PCDHGB3: variants seen among roughly 807,000 people sequenced by gnomAD.
PCDHGB3 encodes the protein protocadherin gamma-B3.
Under a neutral mutation model 59.2 loss-of-function variants are expected in PCDHGB3, and 40 were observed. The observed-to-expected ratio is 0.68, with a 90% confidence interval of 0.52 to 0.88. PCDHGB3 has a LOEUF of 0.88. Among genes scored for constraint, PCDHGB3 ranks in the 40% least tolerant of loss-of-function variants. The pLI is 0.00. For missense variants in PCDHGB3, 1,309 were observed against 1,187.9 expected (o/e 1.10, Z -1.50); for synonymous variants, 581 against 503.6 (o/e 1.15, Z -2.06).
intron 1 of PCDHGB3, chr5:141,400,093 C>G (rs1225718379): frequency 1.2e-6 from 2 of 1,614,094 alleles, no homozygotes; most frequent in Non-Finnish European, 1.7e-6. Context: ...CACCGCCACG[C>G]TGCACTTGGT....
intron 1 of PCDHGB3, chr5:141,409,566 C>T: frequency 2.5e-6 from 4 of 1,613,978 alleles, no homozygotes; most frequent in Middle Eastern, 1.6e-4. Context: ...TTCGACCAGA[C>T]GTCCTACGTG....
chr5:141,422,211 CTT>C (rs1339862278), intron 1 of PCDHGB3: 1 of 1,563,166 alleles, frequency 6.4e-7, no homozygotes, highest in African/African-American at 1.4e-5. Context: ...GTGGAGGTCT[CTT>C]TACCACCACG....
At chr5:141,428,600 C>T (rs2097150405) in intron 1 of PCDHGB3, 1 of 223,920 alleles carries the variant, frequency 4.5e-6, no homozygotes, top group African/African-American at 2.3e-5. Flanking sequence ...GCAAGCTTCA[C>T]TGAAGAGAAT....
Position 141,485,574 on chromosome 5 carries a change from C to T in PCDHGB3, c.2416-9233C>T. 1 of 1,612,568 alleles carries T rather than the reference C, an allele frequency of 6.2e-7. No homozygotes were observed. Among genetic ancestry groups the T allele is most frequent in the Non-Finnish European group, 8.5e-7 (1 of 1,178,752 alleles). On this transcript the variant is annotated intron_variant, in intron 1 of 3. Transcript: ENST00000576222. This position sits in a 1 kb window ranked among gnomAD's most constrained non-coding sequence, Gnocchi z 5.7. ...GTGAATGATCACGCCCCCCGTTTTCCGCGGCAGCAGCTGGACTTGGAAATT... is the reference window on the plus strand; with the variant it reads ...GTGAATGATCACGCCCCCCGTTTTCTGCGGCAGCAGCTGGACTTGGAAATT...
chr5:141,428,037 C>G lies in PCDHGB3; in HGVS notation c.2415+55228C>G, dbSNP rs762273592. 3.7e-6 allele frequency: 6 copies of G among 1,608,340 alleles called. No homozygotes were observed. In the African/African-American group the frequency reaches 8.0e-5, roughly 21 times the overall value. ...GCCACGCGCCGCAGAGTCCGGCTACCTGGTGACCAAGGTGGTGGCGGTGGA... is the reference window on the plus strand; with the variant it reads ...GCCACGCGCCGCAGAGTCCGGCTACGTGGTGACCAAGGTGGTGGCGGTGGA... On this transcript the variant is annotated intron_variant, in intron 1 of 3. Coordinates refer to ENST00000576222, the MANE Select transcript of PCDHGB3 (RefSeq NM_018924.5).
chr5:141,442,725 G>A (rs1381140725), intron 1 of PCDHGB3, among the ~76,000 whole-genome samples: 1 of 152,198 alleles, frequency 6.6e-6, no homozygotes, highest in Admixed American at 6.5e-5. Flanking sequence ...AGCATTTGGG[G>A]CCTGTAGGTA....
At chr5:141,390,047 C>T in intron 1 of PCDHGB3, 1 of 1,614,074 alleles carries the variant, frequency 6.2e-7, no homozygotes, top group Non-Finnish European at 8.5e-7. Flanking sequence ...GCCCCGCCTC[C>T]TGGAGCTGCT....
In PCDHGB3 at chr5:141,487,774, C is replaced by T. The variant is rs1272776899; in HGVS notation, c.2416-7033C>T. 2.0e-6 allele frequency: 3 copies of T among 1,534,064 alleles called. 1 individual carries two copies. The highest frequency in any genetic ancestry group is 2.6e-6 in the Non-Finnish European group (3 of 1,135,588). On this transcript the variant is annotated intron_variant, in intron 1 of 3. Transcript: ENST00000576222. The surrounding 1 kb of genome is among the most constrained non-coding windows in gnomAD (Gnocchi z 5.0). Reference sequence around the variant, plus strand: ...ATGTGGTAGACGCTGTGCTTTGTAACTGTTTCGTGAATTAACCAGAGTTGT... The same window carrying T: ...ATGTGGTAGACGCTGTGCTTTGTAATTGTTTCGTGAATTAACCAGAGTTGT...
At chr5:141,443,383 G>A (rs1302172660) in intron 1 of PCDHGB3, among the ~76,000 whole-genome samples, 1 of 152,130 alleles carries the variant, frequency 6.6e-6, no homozygotes, top group Non-Finnish European at 1.5e-5. Flanking sequence ...TACTTGGGAG[G>A]CTGAGGTGTG....
chr5:141,391,293 A>G (rs1043661475), intron 1 of PCDHGB3: 15 of 151,834 alleles, frequency 9.9e-5, no homozygotes, highest in Admixed American at 3.3e-4. Context: ...AAAGAAGGAA[A>G]CGTCTTTCGA....
chr5:141,466,148 G>A (rs1201643685), intron 1 of PCDHGB3, among the ~76,000 whole-genome samples: 1 of 151,814 alleles, frequency 6.6e-6, no homozygotes, highest in Non-Finnish European at 1.5e-5. Flanking sequence ...GAAAACTCTG[G>A]TCTTAAACTG....
At position 141,491,049 on chromosome 5, in the gene PCDHGB3, G is replaced by C; in HGVS notation, c.2416-3758G>C. The C allele has an allele frequency of 1.2e-6, 2 of 1,614,116 alleles. No homozygotes were observed. Among genetic ancestry groups the C allele is most frequent in the Admixed American group, 3.3e-5 (2 of 60,024 alleles). On this transcript the variant is annotated intron_variant, in intron 1 of 3. Transcript: ENST00000576222. This position sits in a 1 kb window ranked among gnomAD's most constrained non-coding sequence, Gnocchi z 6.9. ...TGGATGCTGATGCAGGCCACAATGC[G>C]TGGCTCTCCTACTCACTGTTGCCAC...
intron 1 of PCDHGB3, chr5:141,422,849 C>A: frequency 1.2e-6 from 2 of 1,614,238 alleles, no homozygotes; most frequent in Non-Finnish European, 8.5e-7. Context: ...AGCGGGGACC[C>A]GCCCCTCAGC....
intron 1 of PCDHGB3, chr5:141,433,225 G>A: frequency 6.6e-7 from 1 of 1,517,048 alleles, no homozygotes; most frequent in Non-Finnish European, 9.0e-7. Flanking sequence ...TTTTTTAATT[G>A]CTCTGTCTCC....
Position 141,413,755 on chromosome 5 carries a change from A to T in PCDHGB3, c.2415+40946A>T, listed in dbSNP as rs199577406. On this transcript the variant is annotated intron_variant, in intron 1 of 3. Transcript: ENST00000576222. ...AGTTCAGAGCCGTGCCAATGGCGTC[A>T]AGTACCCGGAGCTGGTACTGGAGCA... 1.6e-4 allele frequency: 266 copies of T among 1,612,936 alleles called. 3 individuals carry two copies. In the South Asian group the frequency reaches 2.3e-3, roughly 14 times the overall value.
At position 141,420,872 on chromosome 5, in the gene PCDHGB3, G is replaced by A. The variant is rs575322685; in HGVS notation, c.2415+48063G>A. 3.3e-5 allele frequency among the ~76,000 whole-genome samples: 5 copies of A among 152,328 alleles called. No homozygotes were observed. The East Asian group carries it at 7.7e-4, about 24-fold the overall frequency. On this transcript the variant is annotated intron_variant, in intron 1 of 3. Coordinates refer to ENST00000576222, the MANE Select transcript of PCDHGB3 (RefSeq NM_018924.5). ...AAAGTTTTAACGTCACATAATGTAA[G>A]TATTGTGTATCATCGTTTTTAAGCT...
At chr5:141,395,216 G>T in intron 1 of PCDHGB3, 1 of 1,612,150 alleles carries the variant, frequency 6.2e-7, no homozygotes, top group Non-Finnish European at 8.5e-7. Context: ...ATGAATATAA[G>T]AATGAAGCTG....
intron 2 of PCDHGB3, among the ~76,000 whole-genome samples, chr5:141,499,983 C>T (rs765029745): frequency 5.3e-5 from 8 of 151,352 alleles, no homozygotes; most frequent in African/African-American, 9.7e-5. Context: ...CCACCTTGCC[C>T]GGCCAGATGA....
chr5:141,394,085 C>T, intron 1 of PCDHGB3: 3 of 1,613,886 alleles, frequency 1.9e-6, no homozygotes, highest in Non-Finnish European at 2.5e-6. Flanking sequence ...CAGTGATGGC[C>T]TCAGATCTAG....
Sources: allele counts gnomAD v4.1 joint callset (sites outside exome capture counted in the v4.1 genomes callset), GRCh38; gene constraint gnomAD v4.1.1; non-coding constraint Gnocchi (gnomAD v3.1); transcripts MANE v1.5; gene names NCBI Gene and HGNC (gene_info 2026-07-23, HGNC 2026-07-21).